Variants in TRIM62 observed in about 807,000 individuals in gnomAD.
TRIM62 encodes the protein E3 ubiquitin-protein ligase TRIM62.
In TRIM62, 39 loss-of-function variants were observed where a neutral mutation model predicts 44.2. The ratio of observed to expected loss-of-function variants is 0.88; its 90% CI spans 0.68 to 1.15. The LOEUF (loss-of-function observed/expected upper bound fraction) is 1.15, where lower values mean the gene tolerates loss of function less well. Among genes scored for constraint, TRIM62 ranks in the 50% most tolerant of loss-of-function variants. TRIM62 has a pLI of 0.00. For synonymous variants in TRIM62, 278 were observed against 292.3 expected, an observed-to-expected ratio of 0.95 and a Z score of 0.50; for missense variants, 544 against 665.5, an observed-to-expected ratio of 0.82 and a Z score of 2.01.
At chr1:33,171,807 A>C (rs1235892896) in intron 1 of TRIM62, among the ~76,000 whole-genome samples, 1 of 152,110 alleles carries the variant, frequency 6.6e-6, no homozygotes, top group Non-Finnish European at 1.5e-5. Context: ...TTTGAGACAG[A>C]ATCTCGCTCT....
At position 33,167,457 on chromosome 1, in the gene TRIM62, C is replaced by G. The variant is rs1645338427; in HGVS notation, c.409-1891G>C. Among the ~76,000 whole-genome samples, 1 of 152,194 alleles carries G rather than the reference C, an allele frequency of 6.6e-6. No individual in the cohort carries two copies. Among genetic ancestry groups the G allele is most frequent in the Non-Finnish European group, 1.5e-5 (1 of 68,034 alleles). On this transcript the variant is annotated intron_variant, in intron 1 of 4. Coordinates refer to ENST00000291416, the MANE Select transcript of TRIM62 (RefSeq NM_018207.3). The surrounding 1 kb of genome is among the most constrained non-coding windows in gnomAD (Gnocchi z 4.2). ...CCAGCTGTCTGCAGGCATTGGGAAT[C>G]TAGCCCATTGTATTATCGCCAGTTG...
chr1:33,155,024 C>T (rs1450653904), intron 4 of TRIM62, among the ~76,000 whole-genome samples: 1 of 147,770 alleles, frequency 6.8e-6, no homozygotes, highest in African/African-American at 2.5e-5. Flanking sequence ...ACCCGGGAGG[C>T]AGACCTTGCA....
At chr1:33,179,840 T>C (rs1645446730) in intron 1 of TRIM62, among the ~76,000 whole-genome samples, 1 of 152,168 alleles carries the variant, frequency 6.6e-6, no homozygotes, top group African/African-American at 2.4e-5. Flanking sequence ...TTAAACACAG[T>C]AAAATAGATT....
chr1:33,147,010 A>T lies in TRIM62; in HGVS notation c.*167T>A. The T allele has an allele frequency of 1.5e-6, 1 of 659,990 alleles. No homozygotes were observed. The highest frequency in any genetic ancestry group is 1.9e-5 in the South Asian group (1 of 51,796). 40.9% of individuals were successfully genotyped at this position (659,990 alleles called of 1,614,324 possible). On this transcript the variant is annotated 3_prime_UTR_variant, in exon 5 of 5. Transcript: ENST00000291416. This position sits in a 1 kb window ranked among gnomAD's most constrained non-coding sequence, Gnocchi z 8.1. ...CATCGATGCTGGAAGAGAGTTTAGGAAGTAGGGAATGCAACCTCCATTTTA... is the reference window on the plus strand; with the variant it reads ...CATCGATGCTGGAAGAGAGTTTAGGTAGTAGGGAATGCAACCTCCATTTTA...
In TRIM62 at chr1:33,159,949, G is replaced by A. The variant is rs558035011; in HGVS notation, c.505-5C>T. 2.0e-4 allele frequency: 327 copies of A among 1,600,786 alleles called. 1 individual carries two copies. The South Asian group carries it at 3.4e-3, about 17-fold the overall frequency. On this transcript the variant is annotated splice_polypyrimidine_tract_variant and splice_region_variant and intron_variant, in intron 2 of 4. Coordinates refer to ENST00000291416, the MANE Select transcript of TRIM62 (RefSeq NM_018207.3). The surrounding 1 kb of genome is among the most constrained non-coding windows in gnomAD (Gnocchi z 4.2). ...CCGCAGGCTCTTGGTGGAAGACTGT[G>A]GGGGACAGTCGTCAGGGGTTATGGC...
At chr1:33,150,444 C>T (rs1344791549) in intron 4 of TRIM62, among the ~76,000 whole-genome samples, 2 of 152,278 alleles carry the variant, frequency 1.3e-5, no homozygotes, top group African/African-American at 4.8e-5. Flanking sequence ...TATCAAGTTC[C>T]TTCCATGATC....
chr1:33,153,546 C>T (rs1470428820), intron 4 of TRIM62, among the ~76,000 whole-genome samples: 4 of 152,176 alleles, frequency 2.6e-5, no homozygotes, highest in Admixed American at 6.5e-5. Context: ...GAGCACAGAG[C>T]GGGGCCCTGC....
chr1:33,164,240 T>G (rs1645306883), intron 2 of TRIM62: 1 of 152,258 alleles, frequency 6.6e-6, no homozygotes, highest in Non-Finnish European at 1.5e-5. Context: ...GACCCCACAG[T>G]GGGTTGGTGG....
At position 33,145,935 on chromosome 1, in the gene TRIM62, C is replaced by T. The variant is rs1436449478; in HGVS notation, c.*1242G>A. 1 of 470,818 alleles carries T rather than the reference C, an allele frequency of 2.1e-6. No homozygotes were observed. Among genetic ancestry groups the T allele is most frequent in the East Asian group, 6.9e-5 (1 of 14,394 alleles). 29.2% of individuals were successfully genotyped at this position (470,818 alleles called of 1,614,324 possible). On this transcript the variant is annotated 3_prime_UTR_variant, in exon 5 of 5. Transcript: ENST00000291416. ...ACTTAAGTTCCCCCAAACAGAATCT[C>T]TTGTAAAAATTTAGATTTGGGAACT...
chr1:33,149,036 T>A (rs1418472230), intron 4 of TRIM62, among the ~76,000 whole-genome samples: 1 of 152,198 alleles, frequency 6.6e-6, no homozygotes, highest in Non-Finnish European at 1.5e-5. Context: ...TCCTCCTCTC[T>A]GCTTGTTGCA....
chr1:33,160,563 C>T (rs1645252053), intron 2 of TRIM62, among the ~76,000 whole-genome samples: 1 of 151,978 alleles, frequency 6.6e-6, no homozygotes, highest in Non-Finnish European at 1.5e-5. Context: ...CGCCACTATG[C>T]CCGGATAATT....
chr1:33,174,974 CATAT>C (rs1557762482), intron 1 of TRIM62, among the ~76,000 whole-genome samples: 2 of 128,722 alleles, frequency 1.6e-5, no homozygotes, highest in Non-Finnish European at 3.2e-5. Context: ...TATATACACA[CATAT>C]ACATATATAT....
At chr1:33,154,277 C>T (rs1432371892) in intron 4 of TRIM62, among the ~76,000 whole-genome samples, 2 of 151,718 alleles carry the variant, frequency 1.3e-5, no homozygotes, top group Non-Finnish European at 2.9e-5. Flanking sequence ...GATTCCCTCC[C>T]CAGTCACTGA....
At chr1:33,156,929 T>G (rs903828470) in intron 4 of TRIM62, among the ~76,000 whole-genome samples, 15 of 63,484 alleles carry the variant, frequency 2.4e-4, no homozygotes, top group African/African-American at 8.6e-4. Flanking sequence ...ATCCCACCCC[T>G]TCCCACCCCC....
intron 1 of TRIM62, chr1:33,176,452 T>C (rs1176087246): frequency 1.4e-6 from 1 of 696,576 alleles, no homozygotes; most frequent in Non-Finnish European, 2.6e-6. Context: ...TTCTCTGGCA[T>C]GAAGGAAGCC....
intron 1 of TRIM62, among the ~76,000 whole-genome samples, chr1:33,170,186 C>T (rs868469237): frequency 5.9e-5 from 9 of 151,978 alleles, no homozygotes; most frequent in Non-Finnish European, 1.2e-4. Context: ...AAAAATTAGC[C>T]AGGCATGGTG....
Position 33,146,211 on chromosome 1 carries a change from A to T in TRIM62, c.*966T>A, listed in dbSNP as rs1645020297. 5 of 242,992 alleles carry T rather than the reference A, an allele frequency of 2.1e-5. No homozygotes were observed. The highest frequency in any genetic ancestry group is 1.6e-3 in the Middle Eastern group (1 of 620). 15.1% of individuals were successfully genotyped at this position (242,992 alleles called of 1,614,324 possible). A position where few individuals can be genotyped will look rare whatever the true frequency, so the allele number is the denominator to read the frequency against. ...GGGCCAGGTAGTAAATCCTTGTCTA[A>T]TTAAACCAGCTACAAGTGGCTCTTG... On this transcript the variant is annotated 3_prime_UTR_variant, in exon 5 of 5. Transcript: ENST00000291416.
rs1645317752 is a variant in TRIM62 at position 33,165,404 on chromosome 1, G to A, written c.504+67C>T. The A allele has an allele frequency of 7.2e-7, 1 of 1,396,756 alleles. No individual in the cohort carries two copies. Among genetic ancestry groups the A allele is most frequent in the Non-Finnish European group, 9.7e-7 (1 of 1,028,038 alleles). The allele number at this position is 1,396,756 out of a possible 1,614,324, so 86.5% of individuals were successfully genotyped here. ...GAGGCCCCGCCCCTCTTCCCCAGCT[G>A]GCCCCGCCCCTCGAAGCCCTGCCCT... On this transcript the variant is annotated intron_variant, in intron 2 of 4. Transcript: ENST00000291416. The surrounding 1 kb of genome is among the most constrained non-coding windows in gnomAD (Gnocchi z 4.0).
chr1:33,157,987 C>T (rs866828528), intron 4 of TRIM62, among the ~76,000 whole-genome samples: 6 of 152,158 alleles, frequency 3.9e-5, no homozygotes, highest in Admixed American at 2.0e-4. Flanking sequence ...GAACTCCTGA[C>T]CTCATGATCC....
Sources: gnomAD v4.1 joint callset for allele counts (sites outside exome capture counted in the v4.1 genomes callset) on GRCh38, gnomAD v4.1.1 for gene constraint, Gnocchi (gnomAD v3.1) non-coding constraint, MANE v1.5 for transcripts, NCBI Gene and HGNC (gene_info 2026-07-23, HGNC 2026-07-21) for gene names.